Variants in CAMKMT observed in about 807,000 individuals in gnomAD.
The protein encoded by CAMKMT is CaM KMT.
In CAMKMT, 53 loss-of-function variants were observed where a neutral mutation model predicts 48.0. The ratio of observed to expected loss-of-function variants is 1.10; its 90% CI spans 0.89 to 1.39. CAMKMT has a LOEUF of 1.39. Among genes scored for constraint, CAMKMT ranks in the 40% most tolerant of loss-of-function variants. The probability of loss-of-function intolerance (pLI) is 0.00; values close to 1 mark genes in which losing one functional copy is unlikely to be tolerated. For synonymous variants in CAMKMT, 165 were observed against 152.3 expected, an observed-to-expected ratio of 1.08 and a Z score of -0.61; for missense variants, 428 against 402.7, an observed-to-expected ratio of 1.06 and a Z score of -0.54.
At chr2:44,411,846 G>A (rs536593319) in intron 3 of CAMKMT, among the ~76,000 whole-genome samples, 147 of 151,474 alleles carry the variant, frequency 9.7e-4, no homozygotes, top group South Asian at 1.9e-3. Flanking sequence ...GGCATCCTGG[G>A]GGCTTCAATT....
At chr2:44,597,390 T>A (rs1670726830) in intron 3 of CAMKMT, among the ~76,000 whole-genome samples, 1 of 152,212 alleles carries the variant, frequency 6.6e-6, no homozygotes, top group Non-Finnish European at 1.5e-5. Flanking sequence ...TTCCAGTGAA[T>A]CCACAATTAA....
intron 3 of CAMKMT, among the ~76,000 whole-genome samples, chr2:44,430,034 T>G (rs1239756519): frequency 6.6e-6 from 1 of 151,888 alleles, no homozygotes; most frequent in Non-Finnish European, 1.5e-5. Flanking sequence ...TGAGAGAATT[T>G]TGGGGGGAAA....
intron 2 of CAMKMT, among the ~76,000 whole-genome samples, chr2:44,379,924 A>T (rs1385173145): frequency 6.6e-6 from 1 of 151,380 alleles, no homozygotes; most frequent in East Asian, 1.9e-4. Flanking sequence ...TAGCCTGTGC[A>T]TTTTCTTTTA....
At chr2:44,542,496 TACACACAC>T (rs371102222) in intron 3 of CAMKMT, among the ~76,000 whole-genome samples, 44,630 of 133,878 alleles carry the variant, frequency 0.33, 7,240 homozygotes, top group Non-Finnish European at 0.42. Context: ...CACATACACA[TACACACAC>T]ACACACACAC....
chr2:44,509,525 G>A (rs1033568988), intron 3 of CAMKMT, among the ~76,000 whole-genome samples: 10 of 152,144 alleles, frequency 6.6e-5, no homozygotes, highest in African/African-American at 2.4e-4. Flanking sequence ...TGCCCAGGCT[G>A]GTCTTGATCT....
chr2:44,683,193 CTGTT>C (rs1160487342), intron 3 of CAMKMT, among the ~76,000 whole-genome samples: 1 of 146,108 alleles, frequency 6.8e-6, no homozygotes, highest in Non-Finnish European at 1.5e-5. Context: ...TTCTATAAAA[CTGTT>C]TATTGAGAAA....
chr2:44,693,759 C>T (rs1291139792), intron 3 of CAMKMT, among the ~76,000 whole-genome samples: 1 of 152,204 alleles, frequency 6.6e-6, no homozygotes, highest in Non-Finnish European at 1.5e-5. Flanking sequence ...GCCCAGGAAG[C>T]TTCCATACTC....
intron 9 of CAMKMT, among the ~76,000 whole-genome samples, chr2:44,764,078 A>G (rs1236316570): frequency 2.0e-5 from 3 of 151,694 alleles, no homozygotes; most frequent in Non-Finnish European, 2.9e-5. Flanking sequence ...GAGACCATGT[A>G]TTATATCTAG....
intron 3 of CAMKMT, among the ~76,000 whole-genome samples, chr2:44,601,815 C>G (rs897002087): frequency 6.6e-6 from 1 of 151,410 alleles, no homozygotes; most frequent in East Asian, 1.9e-4. Flanking sequence ...TTAATTTTTC[C>G]TACTAAGAAG....
chr2:44,477,981 G>C (rs926442771), intron 3 of CAMKMT, among the ~76,000 whole-genome samples: 1 of 152,144 alleles, frequency 6.6e-6, no homozygotes, highest in Non-Finnish European at 1.5e-5. Context: ...GCGTATGTAA[G>C]GCTGCAGTGA....
At chr2:44,592,472 C>T (rs536721032) in intron 3 of CAMKMT, among the ~76,000 whole-genome samples, 13 of 152,182 alleles carry the variant, frequency 8.5e-5, no homozygotes, top group African/African-American at 2.9e-4. Flanking sequence ...TTTTCTATAG[C>T]TGTCTTGGTT....
At chr2:44,445,795 A>C (rs1245923423) in intron 3 of CAMKMT, among the ~76,000 whole-genome samples, 2 of 150,408 alleles carry the variant, frequency 1.3e-5, no homozygotes, top group Non-Finnish European at 3.0e-5. Flanking sequence ...ATTTTAATAC[A>C]TGTTTTCTAA....
At chr2:44,516,710 A>T (rs1488257289) in intron 3 of CAMKMT, among the ~76,000 whole-genome samples, 1 of 151,344 alleles carries the variant, frequency 6.6e-6, no homozygotes, top group Non-Finnish European at 1.5e-5. Context: ...AATATAGTTT[A>T]ATCTTTCTAA....
chr2:44,665,318 G>A (rs151099097), intron 3 of CAMKMT, among the ~76,000 whole-genome samples: 2,009 of 152,140 alleles, frequency 0.013, 46 homozygotes, highest in African/African-American at 0.045. Flanking sequence ...TGATCCTCCC[G>A]CCTCTGCCTC....
chr2:44,553,104 A>C (rs1667811173), intron 3 of CAMKMT, among the ~76,000 whole-genome samples: 1 of 152,196 alleles, frequency 6.6e-6, no homozygotes, highest in African/African-American at 2.4e-5. Flanking sequence ...GGCACATTAA[A>C]GTCTTTTGTT....
intron 3 of CAMKMT, among the ~76,000 whole-genome samples, chr2:44,404,268 G>T (rs1053009173): frequency 2.6e-5 from 4 of 152,028 alleles, no homozygotes; most frequent in African/African-American, 7.2e-5. Context: ...AATTTACAAT[G>T]CATTTAAAAT....
Position 44,772,261 on chromosome 2 carries a change from A to C in CAMKMT, c.*148A>C, listed in dbSNP as rs1681147920. 1 of 609,594 alleles carries C rather than the reference A, an allele frequency of 1.6e-6. No individual in the cohort carries two copies. The highest frequency in any genetic ancestry group is 1.9e-5 in the African/African-American group (1 of 53,948). The allele number at this position is 609,594 out of a possible 1,614,324, so 37.8% of individuals were successfully genotyped here. On this transcript the variant is annotated 3_prime_UTR_variant, in exon 11 of 11. Coordinates refer to ENST00000378494, the MANE Select transcript of CAMKMT (RefSeq NM_024766.5). ...CTATGGACTCCACCTGTCCTCACCC[A>C]CGTTATTCCCCAGCTGCCCTCTCCA...
At chr2:44,451,482 T>A (rs1265788859) in intron 3 of CAMKMT, among the ~76,000 whole-genome samples, 1 of 151,970 alleles carries the variant, frequency 6.6e-6, no homozygotes, top group Non-Finnish European at 1.5e-5. Flanking sequence ...AATTAAGATA[T>A]AATAGTTAGA....
At chr2:44,496,759 A>T (rs916486290) in intron 3 of CAMKMT, among the ~76,000 whole-genome samples, 5 of 152,322 alleles carry the variant, frequency 3.3e-5, no homozygotes, top group African/African-American at 1.2e-4. Context: ...TTGGGAAATG[A>T]AGTTTAAATG....
Sources: allele counts gnomAD v4.1 joint callset (sites outside exome capture counted in the v4.1 genomes callset), GRCh38; gene constraint gnomAD v4.1.1; transcripts MANE v1.5; gene names NCBI Gene and HGNC (gene_info 2026-07-23, HGNC 2026-07-21).